The following ITGB5 variants were observed in gnomAD, a reference collection of about 807,000 sequenced individuals.
The protein encoded by ITGB5 is integrin subunit beta 5.
ITGB5 carries 38 observed loss-of-function variants against 84.8 expected under a neutral mutation model. The observed-to-expected ratio is 0.45, with a 90% confidence interval of 0.35 to 0.59. ITGB5 has a LOEUF of 0.59. Ranked by LOEUF, ITGB5 falls within the 20% of genes least tolerant of loss-of-function variation. ITGB5 has a pLI of 0.01. For synonymous variants in ITGB5, 393 were observed against 414.4 expected, an observed-to-expected ratio of 0.95 and a Z score of 0.63; for missense variants, 905 against 1,034.5, an observed-to-expected ratio of 0.87 and a Z score of 1.72.
At chr3:124,859,134 C>T in intron 3 of ITGB5, 108 bp downstream of exon 3, 1 of 1,059,802 alleles carries the variant, frequency 9.4e-7, no homozygotes, top group Non-Finnish European at 1.4e-6. Flanking sequence ...CATCTCGTGG[C>T]TCTGATCTCA....
chr3:124,810,763 G>A (rs954890113), intron 8 of ITGB5, among the ~76,000 whole-genome samples: 1 of 152,158 alleles, frequency 6.6e-6, no homozygotes, highest in Non-Finnish European at 1.5e-5. Flanking sequence ...TCAACACAGA[G>A]TATAGCATGA....
intron 12 of ITGB5, 33 bp from the exon 13 acceptor site, chr3:124,766,378 C>T: frequency 6.2e-7 from 1 of 1,611,714 alleles, no homozygotes; most frequent in Non-Finnish European, 8.5e-7. Context: ...TGGCCTGAGT[C>T]TCTCTGAGCA....
intron 6 of ITGB5, among the ~76,000 whole-genome samples, chr3:124,820,761 T>A (rs1477999231): frequency 6.6e-6 from 1 of 152,194 alleles, no homozygotes; most frequent in Non-Finnish European, 1.5e-5. Context: ...TTATTATATA[T>A]CTTTGAAATT....
rs534237595 is a variant in ITGB5 at position 124,789,285 on chromosome 3, T to C, written c.1693+7103A>G. ...ACTGTTGCCATGGCAGGTGTTTTGT[T>C]TGACAAGAGTCAAGAAGCCTAGGAT... On this transcript the variant is annotated intron_variant, in intron 10 of 14. Transcript: ENST00000296181. 3.9e-5 allele frequency among the ~76,000 whole-genome samples: 6 copies of C among 152,390 alleles called. No individual in the cohort carries two copies. The East Asian group carries it at 1.2e-3, about 29-fold the overall frequency.
At chr3:124,898,815 C>G (rs1436494550) in intron 1 of ITGB5, among the ~76,000 whole-genome samples, 1 of 146,266 alleles carries the variant, frequency 6.8e-6, no homozygotes, top group African/African-American at 2.5e-5. Flanking sequence ...CTGGCTCACA[C>G]CTGTAATCCC....
intron 10 of ITGB5, among the ~76,000 whole-genome samples, chr3:124,777,475 G>T (rs1579183070): frequency 6.6e-6 from 1 of 152,346 alleles, no homozygotes; most frequent in East Asian, 1.9e-4. Flanking sequence ...GAAGCCACCA[G>T]AATGCTTGTC....
intron 4 of ITGB5, among the ~76,000 whole-genome samples, chr3:124,842,953 G>A (rs2065029931): frequency 6.6e-6 from 1 of 152,060 alleles, no homozygotes; most frequent in Non-Finnish European, 1.5e-5. Context: ...GGCCCACCCT[G>A]CACAGAATCA....
intron 1 of ITGB5, among the ~76,000 whole-genome samples, chr3:124,899,019 G>A (rs1206120824): frequency 6.6e-6 from 1 of 151,698 alleles, no homozygotes; most frequent in African/African-American, 2.4e-5. Context: ...AGGTTGCAGT[G>A]AGCCTAGATT....
At chr3:124,816,685 T>C (rs79314202) in intron 8 of ITGB5, among the ~76,000 whole-genome samples, 2,558 of 152,244 alleles carry the variant, frequency 0.017, 34 homozygotes, top group Non-Finnish European at 0.029. Context: ...CAAGTACTTT[T>C]GGGGTGTTAT....
intron 2 of ITGB5, among the ~76,000 whole-genome samples, chr3:124,861,640 C>T (rs2065304977): frequency 6.7e-6 from 1 of 150,288 alleles, no homozygotes; most frequent in Non-Finnish European, 1.5e-5. Flanking sequence ...CAGCTCACTG[C>T]AACCTCCGAC....
intron 9 of ITGB5, among the ~76,000 whole-genome samples, chr3:124,805,479 TCTCA>T (rs1193111116): frequency 6.6e-6 from 1 of 151,774 alleles, no homozygotes; most frequent in Non-Finnish European, 1.5e-5. Flanking sequence ...AGAGACGAGG[TCTCA>T]CTCTGTTATC....
chr3:124,793,255 A>G (rs1036042292), intron 10 of ITGB5, among the ~76,000 whole-genome samples: 20 of 152,202 alleles, frequency 1.3e-4, no homozygotes, highest in Non-Finnish European at 2.9e-4. Flanking sequence ...CCCAGGCTGC[A>G]TGGACACACG....
At chr3:124,886,830 C>T (rs2107656191) in intron 1 of ITGB5, 101 bp downstream of exon 1, 1 of 691,632 alleles carries the variant, frequency 1.4e-6, no homozygotes, top group Non-Finnish European at 1.9e-6. Context: ...AGGCGCCCTC[C>T]GCCCTCAGGC....
chr3:124,796,486 T>C lies in ITGB5; in HGVS notation c.1595A>G (p.Gln532Arg), dbSNP rs761407248. The C allele has an allele frequency of 6.2e-7, 1 of 1,614,124 alleles. No individual in the cohort carries two copies. Among genetic ancestry groups the C allele is most frequent in the South Asian group, 1.1e-5 (1 of 91,088 alleles). Residue 532 changes from glutamine (Q) to arginine (R), a missense_variant, in exon 10 of 15, where the codon CAG (glutamine) becomes CGG (arginine). By Grantham distance (43) the Gln-to-Arg change is conservative. Coordinates refer to ENST00000296181, the MANE Select transcript of ITGB5 (RefSeq NM_002213.5). Reference sequence around the variant, plus strand: ...AAACTCGCTCTCGAAGCAGGAGCACTGGTTGCAGCTGCAGTCCCCACGCCC... The same window carrying C: ...AAACTCGCTCTCGAAGCAGGAGCACCGGTTGCAGCTGCAGTCCCCACGCCC... ...CSGRGDCSCN[Q>R]CSCFESEFGK...
chr3:124,899,896 A>G (rs1935184587), intron 1 of ITGB5, among the ~76,000 whole-genome samples: 1 of 141,736 alleles, frequency 7.1e-6, no homozygotes. Flanking sequence ...AGCAGCAGGC[A>G]TGTTGCAGGT....
rs1184652592 is a variant in ITGB5 at position 124,813,220 on chromosome 3, CAAGT to C, written c.1129-4068_1129-4065del. ...CCTTTCCCGTTGGCCAGGACAGGAG[CAAGT>C]AAGATGAGTACTTGGAAGGAAAAAC... On this transcript the variant is annotated intron_variant, in intron 8 of 14. Coordinates refer to ENST00000296181, the MANE Select transcript of ITGB5 (RefSeq NM_002213.5). 2.0e-5 allele frequency among the ~76,000 whole-genome samples: 3 copies of C among 152,272 alleles called. No homozygotes were observed. In the East Asian group the frequency reaches 5.8e-4, roughly 29 times the overall value.
chr3:124,809,286 G>A, intron 8 of ITGB5, 130 bp from the exon 9 acceptor site: 1 of 949,888 alleles, frequency 1.1e-6, no homozygotes, highest in Admixed American at 2.2e-5. Context: ...AAGAGCCAGT[G>A]AGCTTGGTTC....
chr3:124,800,264 C>T (rs745778620), intron 9 of ITGB5, among the ~76,000 whole-genome samples: 1 of 152,194 alleles, frequency 6.6e-6, no homozygotes, highest in Non-Finnish European at 1.5e-5. Context: ...TGACCTGGAC[C>T]AAGAGCCAAA....
chr3:124,818,404 A>G (rs1434644157), intron 7 of ITGB5, among the ~76,000 whole-genome samples: 3 of 151,648 alleles, frequency 2.0e-5, no homozygotes, highest in African/African-American at 7.3e-5. Context: ...TGCTTAAGCC[A>G]GTATGGACTT....
Sources: gnomAD v4.1 joint callset for allele counts (sites outside exome capture counted in the v4.1 genomes callset) on GRCh38, gnomAD v4.1.1 for gene constraint, MANE v1.5 for transcripts, NCBI Gene and HGNC (gene_info 2026-07-23, HGNC 2026-07-21) for gene names.